Variants in SLIT2 observed in about 807,000 individuals in gnomAD.
SLIT2 encodes the protein slit guidance ligand 2, also known as slit homolog 2 protein.
A neutral mutation model predicts 185.7 loss-of-function variants in SLIT2; 41 were observed. The ratio of observed to expected loss-of-function variants is 0.22; its 90% CI spans 0.17 to 0.29. SLIT2 has a LOEUF of 0.29. SLIT2 is among the 10% of genes least tolerant of loss of function. The pLI, the probability that SLIT2 is intolerant of heterozygous loss-of-function variation, is 1.00. For missense variants in SLIT2, 1,571 were observed against 1,909.0 expected (o/e 0.82, Z 3.30); for synonymous variants, 693 against 680.2 (o/e 1.02, Z -0.29).
chr4:20,350,603 A>G (rs965655648), intron 4 of SLIT2, among the ~76,000 whole-genome samples: 1 of 152,186 alleles, frequency 6.6e-6, no homozygotes, highest in African/African-American at 2.4e-5. Context: ...TAAGTACATC[A>G]TTATTATGTA....
intron 6 of SLIT2, among the ~76,000 whole-genome samples, chr4:20,481,894 T>A (rs1716742475): frequency 6.6e-6 from 1 of 152,058 alleles, no homozygotes. Context: ...TGGGATAAAA[T>A]GTGAAATATA....
At chr4:20,342,455 C>A (rs1721034061) in intron 4 of SLIT2, among the ~76,000 whole-genome samples, 2 of 151,958 alleles carry the variant, frequency 1.3e-5, no homozygotes, top group Admixed American at 1.3e-4. Flanking sequence ...TCATTTTTCC[C>A]ATACAGAATC....
Position 20,402,673 on chromosome 4 carries a change from A to T in SLIT2, c.396-65079A>T, listed in dbSNP as rs144478904. Among the ~76,000 whole-genome samples, 76 of 151,954 alleles carry T rather than the reference A, an allele frequency of 5.0e-4. 1 individual carries two copies. The highest frequency in any genetic ancestry group is 7.7e-4 in the Non-Finnish European group (52 of 67,880). Reference sequence around the variant, plus strand: ...ATATAGCTTTTGTTTCCTTTATCACATTTTTCCATACTTCCTACCCTACAC... The same window carrying T: ...ATATAGCTTTTGTTTCCTTTATCACTTTTTTCCATACTTCCTACCCTACAC... On this transcript the variant is annotated intron_variant, in intron 4 of 36. Coordinates refer to ENST00000504154, the MANE Select transcript of SLIT2 (RefSeq NM_004787.4).
At chr4:20,284,593 G>A (rs1359300482) in intron 4 of SLIT2, among the ~76,000 whole-genome samples, 1 of 152,150 alleles carries the variant, frequency 6.6e-6, no homozygotes. Flanking sequence ...TCTTGATAGT[G>A]TTTGAGTTTA....
chr4:20,524,144 G>C lies in SLIT2; in HGVS notation c.1405G>C (p.Gly469Arg). ...CCGCCGCCTGGCAAACAAAAGAATT[G>C]GACAGATCAAAAGCAAGAAATTCCG... Reference protein sequence around the residue: ...SPRRLANKRIGQIKSKKFRCS... With the variant: ...SPRRLANKRIRQIKSKKFRCS... Residue 469 changes from glycine (G) to arginine (R), a missense_variant, in exon 14 of 37, where the codon GGA becomes CGA. Transcript: ENST00000504154. 6.2e-7 allele frequency: 1 copy of C among 1,614,098 alleles called. No individual in the cohort carries two copies. The highest frequency in any genetic ancestry group is 8.5e-7 in the Non-Finnish European group (1 of 1,180,022).
intron 5 of SLIT2, among the ~76,000 whole-genome samples, chr4:20,469,495 C>T (rs979119676): frequency 1.3e-5 from 2 of 151,994 alleles, no homozygotes; most frequent in African/African-American, 2.4e-5. Flanking sequence ...AAAAGTTTAG[C>T]GATAACAGAA....
chr4:20,335,576 C>G (rs904186235), intron 4 of SLIT2, among the ~76,000 whole-genome samples: 5 of 151,960 alleles, frequency 3.3e-5, no homozygotes, highest in Non-Finnish European at 7.4e-5. Flanking sequence ...AGTTGGAGCA[C>G]AAGATGGAAA....
intron 4 of SLIT2, among the ~76,000 whole-genome samples, chr4:20,345,469 T>G (rs1046037876): frequency 6.6e-6 from 1 of 152,090 alleles, no homozygotes; most frequent in South Asian, 2.1e-4. Context: ...TCTGGCTCTT[T>G]CCTGGTCTGG....
At chr4:20,362,047 C>T (rs1323706853) in intron 4 of SLIT2, among the ~76,000 whole-genome samples, 1 of 152,106 alleles carries the variant, frequency 6.6e-6, no homozygotes, top group East Asian at 1.9e-4. Flanking sequence ...CAAAATATGG[C>T]TGCGTTCTCT....
rs1212394001 is a variant in SLIT2, at chr4:20,487,005, A to G, written c.611+734A>G. 6.6e-5 allele frequency among the ~76,000 whole-genome samples: 10 copies of G among 152,136 alleles called. No individual in the cohort carries two copies. In the East Asian group the frequency reaches 1.9e-3, roughly 29 times the overall value. On this transcript the variant is annotated intron_variant, in intron 7 of 36. Transcript: ENST00000504154. ...CCAAAGCATCAAACTTCTTGAAAAA[A>G]AAGTGTTTTTAAGTTGGGTAAATAT...
intron 4 of SLIT2, among the ~76,000 whole-genome samples, chr4:20,435,932 T>C (rs1577654846): frequency 6.6e-6 from 1 of 152,316 alleles, no homozygotes; most frequent in Middle Eastern, 3.4e-3. Context: ...GTCTGAATTA[T>C]AGAGTGAATT....
intron 4 of SLIT2, among the ~76,000 whole-genome samples, chr4:20,279,793 G>A (rs1714539597): frequency 6.6e-6 from 1 of 152,092 alleles, no homozygotes; most frequent in Non-Finnish European, 1.5e-5. Flanking sequence ...CTGTATCACT[G>A]TTTCCTGTCC....
At chr4:20,562,603 CT>C (rs1196327454) in intron 26 of SLIT2, among the ~76,000 whole-genome samples, 29 of 151,862 alleles carry the variant, frequency 1.9e-4, no homozygotes, top group African/African-American at 6.8e-4. Context: ...TCTTTGGTCT[CT>C]GAAAATCTGG....
chr4:20,582,468 A>G (rs1726664615), intron 29 of SLIT2, among the ~76,000 whole-genome samples: 1 of 152,180 alleles, frequency 6.6e-6, no homozygotes, highest in Admixed American at 6.5e-5. Context: ...CTGAAACCAC[A>G]AATAGTACTG....
chr4:20,410,224 T>C (rs112197468), intron 4 of SLIT2, among the ~76,000 whole-genome samples: 153 of 150,164 alleles, frequency 1.0e-3, no homozygotes, highest in African/African-American at 3.3e-3. Flanking sequence ...GTCTTGGTTT[T>C]TTTTCTTTTC....
chr4:20,383,033 C>A (rs1202443406), intron 4 of SLIT2, among the ~76,000 whole-genome samples: 1 of 151,954 alleles, frequency 6.6e-6, no homozygotes, highest in Non-Finnish European at 1.5e-5. Context: ...AAGAAATTAC[C>A]AAAGTAATTA....
At chr4:20,388,846 ATATG>A (rs949411838) in intron 4 of SLIT2, among the ~76,000 whole-genome samples, 1 of 145,630 alleles carries the variant, frequency 6.9e-6, no homozygotes, top group Non-Finnish European at 1.5e-5. Context: ...TATATATAAA[ATATG>A]TATTATATAT....
rs970917000 is a variant in SLIT2, at chr4:20,484,715, T to G, written c.540-1485T>G. On this transcript the variant is annotated intron_variant, in intron 6 of 36. Transcript: ENST00000504154. This position sits in a 1 kb window ranked among gnomAD's most constrained non-coding sequence, Gnocchi z 4.3. ...AGACTGTTTGAAATGTTTTAATTAG[T>G]TGCCACTATTTAAACATTAGAAAGA... 6.6e-6 allele frequency among the ~76,000 whole-genome samples: 1 copy of G among 152,178 alleles called. No homozygotes were observed. Among genetic ancestry groups the G allele is most frequent in the African/African-American group, 2.4e-5 (1 of 41,460 alleles).
rs1344431373 is a variant in SLIT2 at position 20,566,604 on chromosome 4, A to G, written c.2726-658A>G. Among the ~76,000 whole-genome samples, 5 of 152,056 alleles carry G rather than the reference A, an allele frequency of 3.3e-5. No homozygotes were observed. The South Asian group carries it at 8.3e-4, about 25-fold the overall frequency. ...CGTTTCAAAGATGTTTTCTTTTTGG[A>G]GAGGAAGATACAGAAACATCACCCA... On this transcript the variant is annotated intron_variant, in intron 26 of 36. Coordinates refer to ENST00000504154, the MANE Select transcript of SLIT2 (RefSeq NM_004787.4).
Sources: allele counts gnomAD v4.1 joint callset (sites outside exome capture counted in the v4.1 genomes callset), GRCh38; gene constraint gnomAD v4.1.1; non-coding constraint Gnocchi (gnomAD v3.1); transcripts MANE v1.5; gene names NCBI Gene and HGNC (gene_info 2026-07-23, HGNC 2026-07-21).